Variants in FAM222A observed in about 807,000 individuals in gnomAD.
The protein encoded by FAM222A is family with sequence similarity 222 member A, also known as protein FAM222A.
A neutral mutation model predicts 25.8 loss-of-function variants in FAM222A; 7 were observed. The ratio of observed to expected loss-of-function variants is 0.27; its 90% CI spans 0.15 to 0.51. The LOEUF (loss-of-function observed/expected upper bound fraction) is 0.51, where lower values mean the gene tolerates loss of function less well. Among genes scored for constraint, FAM222A ranks in the 20% least tolerant of loss-of-function variants. FAM222A has a pLI of 0.97. For synonymous variants in FAM222A, 294 were observed against 298.8 expected (o/e 0.98, Z 0.17); for missense variants, 573 against 640.5 (o/e 0.89, Z 1.14).
chr12:109,737,811 C>G (rs1047882506), intron 1 of FAM222A, among the ~76,000 whole-genome samples: 1 of 152,188 alleles, frequency 6.6e-6, no homozygotes, highest in Non-Finnish European at 1.5e-5. Flanking sequence ...CCAGATCTGC[C>G]TAGCCGCAGC....
intron 2 of FAM222A, among the ~76,000 whole-genome samples, chr12:109,749,593 TGTATA>T (rs1888504665): frequency 6.6e-6 from 1 of 152,202 alleles, no homozygotes; most frequent in Non-Finnish European, 1.5e-5. Flanking sequence ...TTCAGTTTGG[TGTATA>T]CCAATTTTAT....
chr12:109,769,117 G>A lies in FAM222A; in HGVS notation c.1188G>A (p.Val396=), dbSNP rs1045718967. 1.9e-6 allele frequency: 3 copies of A among 1,611,726 alleles called. No individual in the cohort carries two copies. The highest frequency in any genetic ancestry group is 1.7e-4 in the Middle Eastern group (1 of 6,058). Residue 396 remains valine (V), a synonymous_variant, in exon 3 of 3, where the codon GTG becomes GTA. Transcript: ENST00000538780. ...TCTCGGGCCTGCCCAGCAAGAGTGT[G>A]TGCAACACATCGGTGCTGAGCAGCA... ...DALSGLPSKS[V]CNTSVLSSSL... is the part of the protein sequence containing the mutation.
rs373366015 is a variant in FAM222A, at chr12:109,770,076, TGAGG to T, written c.*789_*792del. The T allele has an allele frequency of 1.6e-4, 25 of 152,328 alleles. No individual in the cohort carries two copies. The East Asian group carries it at 4.8e-3, about 29-fold the overall frequency. 9.4% of individuals were successfully genotyped at this position (152,328 alleles called of 1,614,324 possible). On this transcript the variant is annotated 3_prime_UTR_variant, in exon 3 of 3. Transcript: ENST00000538780. ...ATATTTATTACAATTTTCTGCATCTTGAGGAAGGGGCGTCATTTTCCTGTTCGCA... is the reference window on the plus strand; with the variant it reads ...ATATTTATTACAATTTTCTGCATCTTAAGGGGCGTCATTTTCCTGTTCGCA...
rs769751906 is a variant in FAM222A, at chr12:109,769,297, CTGCGGACA to C, written c.*11_*18del. The C allele has an allele frequency of 2.1e-5, 34 of 1,602,464 alleles. No homozygotes were observed. Among genetic ancestry groups the C allele is most frequent in the Non-Finnish European group, 2.8e-5 (33 of 1,175,114 alleles). ...TACCCGTCTACAGATAAGGCCTGCC[CTGCGGACA>C]TACGGACATGCGGACAGGGCGCAGA... On this transcript the variant is annotated 3_prime_UTR_variant, in exon 3 of 3. Coordinates refer to ENST00000538780, the MANE Select transcript of FAM222A (RefSeq NM_032829.3).
At chr12:109,735,294 C>CA (rs1384656130) in intron 1 of FAM222A, among the ~76,000 whole-genome samples, 2 of 152,206 alleles carry the variant, frequency 1.3e-5, no homozygotes. Context: ...CTGCCTGCTC[C>CA]ACCAACCAAC....
intron 2 of FAM222A, among the ~76,000 whole-genome samples, chr12:109,757,931 G>C (rs142858884): frequency 6.6e-6 from 1 of 152,178 alleles, no homozygotes; most frequent in Non-Finnish European, 1.5e-5. Context: ...GGGGCCCTGG[G>C]TGCAGGCAGA....
chr12:109,769,020 C>G lies in FAM222A; in HGVS notation c.1091C>G (p.Ala364Gly). 1 of 1,579,796 alleles carries G rather than the reference C, an allele frequency of 6.3e-7. No homozygotes were observed. Among genetic ancestry groups the G allele is most frequent in the Non-Finnish European group, 8.6e-7 (1 of 1,165,104 alleles). The stretch of plus-strand genomic sequence containing the variant: ...CCCACCAGCGACTGCTACAACCCAG[C>G]GGCGGCGGTGGTGGTCACGGAGCTG... ...VTPTSDCYNP[A>G]AAVVVTELGP... The change falls in exon 3 of 3, where the codon GCG becomes GGG. Residue 364 changes from alanine to glycine, a missense_variant. This residue lies in a region of FAM222A where 412 missense variants were observed against 407.0 expected (regional missense o/e 1.01). Coordinates refer to ENST00000538780, the MANE Select transcript of FAM222A (RefSeq NM_032829.3).
At chr12:109,761,341 C>T (rs1472464273) in intron 2 of FAM222A, among the ~76,000 whole-genome samples, 1 of 152,226 alleles carries the variant, frequency 6.6e-6, no homozygotes, top group Non-Finnish European at 1.5e-5. Flanking sequence ...TTTGATGCAG[C>T]TGCCAAGGGC....
At position 109,714,264 on chromosome 12, in the gene FAM222A, G is replaced by A. The variant is rs1049885700; in HGVS notation, c.-680G>A. On this transcript the variant is annotated 5_prime_UTR_variant, in exon 1 of 3. Coordinates refer to ENST00000538780, the MANE Select transcript of FAM222A (RefSeq NM_032829.3). The surrounding 1 kb of genome is among the most constrained non-coding windows in gnomAD (Gnocchi z 4.2). The stretch of plus-strand genomic sequence containing the variant: ...GGCTTCCCCTCCCCCCACACCCGGG[G>A]CTCAGAGCAGGAGGAGGAGGGGCCG... The A allele has an allele frequency of 1.1e-5, 2 of 183,010 alleles. No homozygotes were observed. Among genetic ancestry groups the A allele is most frequent in the South Asian group, 8.8e-5 (1 of 11,392 alleles). 11.3% of individuals were successfully genotyped at this position (183,010 alleles called of 1,614,324 possible).
intron 2 of FAM222A, among the ~76,000 whole-genome samples, chr12:109,760,977 G>A (rs1395562892): frequency 6.6e-6 from 1 of 152,164 alleles, no homozygotes; most frequent in Admixed American, 6.5e-5. Context: ...AGGGGGCTCC[G>A]ATGAAGTCAT....
At chr12:109,723,613 A>G (rs1887789375) in intron 1 of FAM222A, among the ~76,000 whole-genome samples, 1 of 152,254 alleles carries the variant, frequency 6.6e-6, no homozygotes, top group South Asian at 2.1e-4. Flanking sequence ...TGGGCAGGGA[A>G]GCCCTGCCAA....
At chr12:109,742,673 C>A (rs1482475611) in intron 1 of FAM222A, among the ~76,000 whole-genome samples, 1 of 150,962 alleles carries the variant, frequency 6.6e-6, no homozygotes, top group East Asian at 1.9e-4. Context: ...AATAAAAGTC[C>A]CTTTCAGAGG....
chr12:109,760,725 A>T (rs749284), intron 2 of FAM222A, among the ~76,000 whole-genome samples: 97,242 of 152,136 alleles, frequency 0.64, 31,686 homozygotes, highest in Middle Eastern at 0.73. Context: ...TGCCACAAGG[A>T]CTGCGGAAGG....
chr12:109,723,353 C>T (rs949827312), intron 1 of FAM222A, among the ~76,000 whole-genome samples: 1 of 152,190 alleles, frequency 6.6e-6, no homozygotes, highest in African/African-American at 2.4e-5. Flanking sequence ...CAGTTTTGGC[C>T]CTTGGCAGCC....
chr12:109,761,738 TGCCTGGAGCTG>T (rs1300165289), intron 2 of FAM222A, among the ~76,000 whole-genome samples: 1 of 152,176 alleles, frequency 6.6e-6, no homozygotes, highest in Non-Finnish European at 1.5e-5. Flanking sequence ...GTGGGTACTC[TGCCTGGAGCTG>T]GCAGTTGGGC....
chr12:109,767,720 C>T (rs1002422643), intron 2 of FAM222A, among the ~76,000 whole-genome samples: 8 of 152,234 alleles, frequency 5.3e-5, no homozygotes, highest in Non-Finnish European at 2.9e-5. Flanking sequence ...TAGTGGTTAG[C>T]GTGGTGTGGT....
intron 2 of FAM222A, among the ~76,000 whole-genome samples, chr12:109,766,209 T>C (rs1421660366): frequency 2.0e-5 from 3 of 152,152 alleles, no homozygotes; most frequent in Non-Finnish European, 4.4e-5. Context: ...GGCCATTCCA[T>C]CTGCCTCATG....
At chr12:109,715,872 G>GC (rs1273013435) in intron 1 of FAM222A, among the ~76,000 whole-genome samples, 3 of 152,178 alleles carry the variant, frequency 2.0e-5, no homozygotes, top group Admixed American at 1.3e-4. Flanking sequence ...TGGGCCTCCG[G>GC]CCCTCCAATA....
At chr12:109,715,947 C>T (rs1444521472) in intron 1 of FAM222A, among the ~76,000 whole-genome samples, 1 of 152,204 alleles carries the variant, frequency 6.6e-6, no homozygotes, top group Non-Finnish European at 1.5e-5. Context: ...AGAGGAGCTG[C>T]TGCCTGCTGC....
Sources: gnomAD v4.1 joint callset for allele counts (sites outside exome capture counted in the v4.1 genomes callset) on GRCh38, gnomAD v4.1.1 for gene constraint, gnomAD v4.1.1 regional missense constraint, Gnocchi (gnomAD v3.1) non-coding constraint, MANE v1.5 for transcripts, NCBI Gene and HGNC (gene_info 2026-07-23, HGNC 2026-07-21) for gene names.